Variants in ATP8A1 observed in about 807,000 individuals in gnomAD.
ATP8A1 encodes phospholipid-transporting ATPase IA.
Under a neutral mutation model 177.7 loss-of-function variants are expected in ATP8A1, and 90 were observed. The ratio of observed to expected loss-of-function variants is 0.51; its 90% CI spans 0.43 to 0.60. The LOEUF is 0.60. Among genes scored for constraint, ATP8A1 ranks in the 20% least tolerant of loss-of-function variants. The pLI is 0.00. For synonymous variants in ATP8A1, 493 were observed against 485.9 expected (o/e 1.01, Z -0.19); for missense variants, 1,072 against 1,392.8 (o/e 0.77, Z 3.67).
Position 42,466,257 on chromosome 4 carries a change from A to G in ATP8A1, c.2325-1181T>C, listed in dbSNP as rs532875577. 2.1e-4 allele frequency among the ~76,000 whole-genome samples: 32 copies of G among 152,316 alleles called. 1 individual carries two copies. Among genetic ancestry groups the G allele is most frequent in the African/African-American group, 7.5e-4 (31 of 41,562 alleles). Reference sequence around the variant, plus strand: ...AACAAGAAAAACATCTCAGAGCTAAATTATTTATCAAGGTTATGTGGCATA... The same window carrying G: ...AACAAGAAAAACATCTCAGAGCTAAGTTATTTATCAAGGTTATGTGGCATA... On this transcript the variant is annotated intron_variant, in intron 25 of 36. Coordinates refer to ENST00000381668, the MANE Select transcript of ATP8A1 (RefSeq NM_006095.2).
rs543496801 is a variant in ATP8A1 at position 42,582,854 on chromosome 4, C to T, written c.723-1122G>A. On this transcript the variant is annotated intron_variant, in intron 9 of 36. Coordinates refer to ENST00000381668, the MANE Select transcript of ATP8A1 (RefSeq NM_006095.2). ...AGGTTACTGGGTGATACAACTCACA[C>T]AGGGACATAAGAAGGAACAAAGCCA... 5.3e-5 allele frequency among the ~76,000 whole-genome samples: 8 copies of T among 152,176 alleles called. 1 individual carries two copies. Among genetic ancestry groups the T allele is most frequent in the Middle Eastern group, 6.8e-3 (2 of 294 alleles).
In ATP8A1 at chr4:42,464,949, TACCAAC is replaced by T; in HGVS notation, c.2446_2451del (p.Val816_Gly817del). On this transcript the variant is annotated inframe_deletion, in exon 26 of 37. Coordinates refer to ENST00000381668, the MANE Select transcript of ATP8A1 (RefSeq NM_006095.2). ...GCCTGCAGGCCTTCATTGCCACTGATACCAACACCAACGTGCGCTGTCTGTATCATG... is the reference window on the plus strand; with the variant it reads ...GCCTGCAGGCCTTCATTGCCACTGATACCAACGTGCGCTGTCTGTATCATG... 1 of 1,614,218 alleles carries T rather than the reference TACCAAC, an allele frequency of 6.2e-7. No homozygotes were observed. The highest frequency in any genetic ancestry group is 8.5e-7 in the Non-Finnish European group (1 of 1,180,032).
intron 24 of ATP8A1, among the ~76,000 whole-genome samples, chr4:42,490,373 C>T (rs1722623389): frequency 6.6e-6 from 1 of 152,214 alleles, no homozygotes; most frequent in Non-Finnish European, 1.5e-5. Flanking sequence ...GCTCCCTCTT[C>T]TTATGTGGCT....
rs778022629 is a variant in ATP8A1 at position 42,448,396 on chromosome 4, C to CTTTACTTTTT, written c.2897-1753_2897-1752insAAAAAGTAAA. Among the ~76,000 whole-genome samples the CTTTACTTTTT allele has an allele frequency of 1.2e-3, 102 of 84,132 alleles. 10 individuals carry two copies. The highest frequency in any genetic ancestry group is 0.013 in the Middle Eastern group (1 of 80). The allele number at this position is 84,132 out of a possible 152,430, so 55.2% of individuals were successfully genotyped here. A position where few individuals can be genotyped will look rare whatever the true frequency, so the allele number is the denominator to read the frequency against. ...GTAGCCTCCCTCCCTCCTTCTCTTTCTTTTCTTTTTTTTTTTTTTGAGATG... is the reference window on the plus strand; with the variant it reads ...GTAGCCTCCCTCCCTCCTTCTCTTTCTTTACTTTTTTTTTCTTTTTTTTTTTTTTGAGATG... On this transcript the variant is annotated intron_variant, in intron 30 of 36. Coordinates refer to ENST00000381668, the MANE Select transcript of ATP8A1 (RefSeq NM_006095.2).
intron 30 of ATP8A1, among the ~76,000 whole-genome samples, chr4:42,448,828 G>GTTTTTTTTTTTTTTTTTTTTTTTTTT (rs55946444): frequency 1.2e-5 from 1 of 84,206 alleles, no homozygotes; most frequent in Non-Finnish European, 2.2e-5. Flanking sequence ...TGTACTTTGC[G>GTTTTTTTTTTTTTTTTTTTTTTTTTT]TTTTTTTTTT....
At chr4:42,451,078 T>G (rs1415948286) in intron 30 of ATP8A1, among the ~76,000 whole-genome samples, 1 of 152,160 alleles carries the variant, frequency 6.6e-6, no homozygotes, top group African/African-American at 2.4e-5. Flanking sequence ...TGGAGGATTT[T>G]GTTCTAAGTA....
intron 3 of ATP8A1, among the ~76,000 whole-genome samples, chr4:42,624,901 A>G (rs1737883962): frequency 6.6e-6 from 1 of 152,212 alleles, no homozygotes; most frequent in Non-Finnish European, 1.5e-5. Flanking sequence ...TCATTAAAAT[A>G]TAACTATTAA....
chr4:42,607,068 CTAAA>C (rs1312968840), intron 5 of ATP8A1, among the ~76,000 whole-genome samples: 1 of 152,174 alleles, frequency 6.6e-6, no homozygotes, highest in Non-Finnish European at 1.5e-5. Flanking sequence ...GGAATCCTAA[CTAAA>C]TAGAGTAACG....
intron 8 of ATP8A1, 97 bp downstream of exon 8, chr4:42,588,163 G>A: frequency 1.0e-6 from 1 of 995,432 alleles, no homozygotes; most frequent in South Asian, 1.6e-5. Flanking sequence ...ATTTGCAATA[G>A]GACAGATTAG....
chr4:42,456,796 T>C (rs1366132656), intron 27 of ATP8A1, among the ~76,000 whole-genome samples: 1 of 152,172 alleles, frequency 6.6e-6, no homozygotes, highest in Admixed American at 6.5e-5. Context: ...GCGGCTCAAC[T>C]GAATTTTTGA....
intron 20 of ATP8A1, among the ~76,000 whole-genome samples, chr4:42,532,084 A>G (rs921367269): frequency 6.6e-6 from 1 of 152,144 alleles, no homozygotes; most frequent in Non-Finnish European, 1.5e-5. Context: ...CCTGGGCAGC[A>G]GAGTGAGACC....
chr4:42,618,537 T>G (rs1737137381), intron 4 of ATP8A1, among the ~76,000 whole-genome samples: 1 of 152,168 alleles, frequency 6.6e-6, no homozygotes, highest in South Asian at 2.1e-4. Flanking sequence ...ATGCCATCCA[T>G]TTACCCAAAC....
intron 22 of ATP8A1, among the ~76,000 whole-genome samples, chr4:42,514,633 G>C (rs1725347755): frequency 6.6e-6 from 1 of 152,108 alleles, no homozygotes; most frequent in South Asian, 2.1e-4. Context: ...CTGCACAATT[G>C]ATTTCATTTT....
At chr4:42,413,639 G>A (rs934471275) in intron 36 of ATP8A1, among the ~76,000 whole-genome samples, 4 of 152,158 alleles carry the variant, frequency 2.6e-5, no homozygotes, top group African/African-American at 4.8e-5. Flanking sequence ...CCTCACATCA[G>A]TTCATTCTAG....
At chr4:42,548,929 T>C (rs1403739264) in intron 19 of ATP8A1, 84 bp downstream of exon 19, 2 of 1,086,730 alleles carry the variant, frequency 1.8e-6, no homozygotes, top group Admixed American at 4.8e-5. Context: ...AAACAAAACA[T>C]ACTTTCTAGT....
intron 4 of ATP8A1, 70 bp from the exon 5 acceptor site, chr4:42,616,148 T>G: frequency 7.6e-7 from 1 of 1,315,938 alleles, no homozygotes; most frequent in East Asian, 2.3e-5. Context: ...AGAGCACTCA[T>G]ACCAAAAAAG....
At position 42,412,676 on chromosome 4, in the gene ATP8A1, A is replaced by G. The variant is rs1198654060; in HGVS notation, c.*240T>C. On this transcript the variant is annotated 3_prime_UTR_variant, in exon 37 of 37. Transcript: ENST00000381668. ...TCTGGCAAGATACCAGGTCATTTTC[A>G]ATTTCCGTTTACAAAGACTTAGCAA... 2.6e-6 allele frequency: 1 copy of G among 377,616 alleles called. No homozygotes were observed. Among genetic ancestry groups the G allele is most frequent in the Non-Finnish European group, 4.8e-6 (1 of 209,920 alleles). 23.4% of individuals were successfully genotyped at this position (377,616 alleles called of 1,614,324 possible). A position where few individuals can be genotyped will look rare whatever the true frequency, so the allele number is the denominator to read the frequency against.
intron 24 of ATP8A1, among the ~76,000 whole-genome samples, chr4:42,491,007 T>C (rs1231827567): frequency 6.6e-6 from 1 of 152,220 alleles, no homozygotes; most frequent in Non-Finnish European, 1.5e-5. Flanking sequence ...AGTGGTTTTC[T>C]TGTGTGACCA....
At chr4:42,520,824 A>G (rs556913226) in intron 22 of ATP8A1, among the ~76,000 whole-genome samples, 2 of 152,308 alleles carry the variant, frequency 1.3e-5, no homozygotes, top group African/African-American at 4.8e-5. Context: ...ATATTTAGGT[A>G]TCTTCCCCTT....
Sources: allele counts gnomAD v4.1 joint callset (sites outside exome capture counted in the v4.1 genomes callset), GRCh38; gene constraint gnomAD v4.1.1; transcripts MANE v1.5; gene names NCBI Gene and HGNC (gene_info 2026-07-23, HGNC 2026-07-21).